Variants in SLX4IP observed in about 807,000 individuals in gnomAD.
SLX4IP encodes SLX4 interacting protein.
Under a neutral mutation model 32.9 loss-of-function variants are expected in SLX4IP, and 34 were observed. The observed-to-expected ratio is 1.03, with a 90% CI of 0.79 to 1.38. The LOEUF is 1.38. Ranked by LOEUF, SLX4IP falls within the 40% of genes most tolerant of loss-of-function variation. SLX4IP has a pLI of 0.00. For synonymous variants in SLX4IP, 172 were observed against 171.7 expected, an observed-to-expected ratio of 1.00 and a Z score of -0.01; for missense variants, 444 against 479.0, an observed-to-expected ratio of 0.93 and a Z score of 0.68.
chr20:10,510,870 C>T (rs2065801681), intron 2 of SLX4IP, among the ~76,000 whole-genome samples: 1 of 152,194 alleles, frequency 6.6e-6, no homozygotes, highest in Non-Finnish European at 1.5e-5. Context: ...TCCCAAAGTG[C>T]TGGGATTACA....
intron 4 of SLX4IP, among the ~76,000 whole-genome samples, chr20:10,570,344 G>A (rs2066447330): frequency 1.3e-5 from 2 of 152,214 alleles, no homozygotes; most frequent in South Asian, 4.1e-4. Context: ...CCACTCAGGA[G>A]TGGCCTTGGT....
intron 1 of SLX4IP, among the ~76,000 whole-genome samples, chr20:10,450,288 C>T (rs1409878007): frequency 2.0e-5 from 3 of 152,106 alleles, no homozygotes; most frequent in Non-Finnish European, 2.9e-5. Context: ...TTTAAGTACC[C>T]TCATTTAGGG....
chr20:10,500,707 C>T (rs2065710887), intron 2 of SLX4IP, among the ~76,000 whole-genome samples: 1 of 152,122 alleles, frequency 6.6e-6, no homozygotes, highest in African/African-American at 2.4e-5. Context: ...GCTATGACTG[C>T]ACCTCTGCAC....
In SLX4IP at chr20:10,545,760, A is replaced by C. The variant is rs542593324; in HGVS notation, c.28-10471A>C. Among the ~76,000 whole-genome samples the C allele has an allele frequency of 7.3e-4, 111 of 152,334 alleles. No homozygotes were observed. In the South Asian group the frequency reaches 7.5e-3, roughly 10 times the overall value. ...AAAGACACTTTGGTTCCACCCACAG[A>C]GGTAGGAAAATTATGCTACCTGTCT... On this transcript the variant is annotated intron_variant, in intron 2 of 7. Transcript: ENST00000334534.
intron 4 of SLX4IP, among the ~76,000 whole-genome samples, chr20:10,593,387 G>A (rs1248096478): frequency 6.6e-6 from 1 of 151,908 alleles, no homozygotes; most frequent in Non-Finnish European, 1.5e-5. Flanking sequence ...TAAATGGCTG[G>A]CATTTTAAAA....
chr20:10,518,490 TTTC>T (rs2065875762), intron 2 of SLX4IP, among the ~76,000 whole-genome samples: 3 of 65,834 alleles, frequency 4.6e-5, no homozygotes, highest in African/African-American at 1.4e-4. Flanking sequence ...TTCCTTTCCT[TTTC>T]CTTCCTTCCT....
At chr20:10,457,435 C>A in intron 1 of SLX4IP, among the ~76,000 whole-genome samples, 1 of 130,098 alleles carries the variant, frequency 7.7e-6, no homozygotes, top group African/African-American at 2.7e-5. Context: ...ATTAAAAAAG[C>A]ATTTTGGGTT....
chr20:10,546,571 C>T (rs1310070245), intron 2 of SLX4IP, among the ~76,000 whole-genome samples: 4 of 152,158 alleles, frequency 2.6e-5, no homozygotes, highest in Non-Finnish European at 5.9e-5. Flanking sequence ...AATATTTCTT[C>T]CTTGAGCCCT....
At chr20:10,585,310 C>G (rs1267696050) in intron 4 of SLX4IP, among the ~76,000 whole-genome samples, 3 of 152,208 alleles carry the variant, frequency 2.0e-5, no homozygotes, top group Non-Finnish European at 4.4e-5. Context: ...TCTTTCAACT[C>G]TCTTTTCCAA....
chr20:10,447,965 A>G (rs11700092), intron 1 of SLX4IP, among the ~76,000 whole-genome samples: 56,150 of 151,018 alleles, frequency 0.37, 12,235 homozygotes, highest in Non-Finnish European at 0.49. Context: ...TCAGCCTCCC[A>G]AAGTCCTGAG....
At chr20:10,482,581 G>C (rs1298194792) in intron 2 of SLX4IP, among the ~76,000 whole-genome samples, 1 of 152,122 alleles carries the variant, frequency 6.6e-6, no homozygotes, top group Non-Finnish European at 1.5e-5. Flanking sequence ...TCTCTTCTGA[G>C]GTTGTACTAG....
intron 6 of SLX4IP, among the ~76,000 whole-genome samples, chr20:10,605,352 T>C (rs976486044): frequency 6.6e-6 from 1 of 152,146 alleles, no homozygotes; most frequent in African/African-American, 2.4e-5. Context: ...CAAAGAAAAG[T>C]AAGAAAGTGT....
intron 2 of SLX4IP, among the ~76,000 whole-genome samples, chr20:10,486,086 A>G (rs1188816697): frequency 1.3e-5 from 2 of 152,126 alleles, no homozygotes; most frequent in Admixed American, 6.6e-5. Flanking sequence ...CATGTTGTTC[A>G]AGGGTTAACT....
At chr20:10,613,089 G>C (rs1287647763) in intron 6 of SLX4IP, 1 of 303,654 alleles carries the variant, frequency 3.3e-6, no homozygotes, top group Middle Eastern at 1.1e-3. Flanking sequence ...TAACAGACAC[G>C]CACATCGCAG....
At chr20:10,548,114 C>A (rs1430938353) in intron 2 of SLX4IP, among the ~76,000 whole-genome samples, 3 of 152,212 alleles carry the variant, frequency 2.0e-5, no homozygotes, top group Admixed American at 1.3e-4. Context: ...TATAGGGAAA[C>A]TGACAGTAGA....
At chr20:10,547,895 G>T (rs1230544972) in intron 2 of SLX4IP, among the ~76,000 whole-genome samples, 3 of 152,158 alleles carry the variant, frequency 2.0e-5, no homozygotes, top group Admixed American at 1.3e-4. Context: ...CTCCACAAAG[G>T]CCACCTGGTG....
chr20:10,545,444 T>TA (rs1337333485), intron 2 of SLX4IP, among the ~76,000 whole-genome samples: 1 of 152,178 alleles, frequency 6.6e-6, no homozygotes, highest in Non-Finnish European at 1.5e-5. Context: ...AGTAAATGTG[T>TA]AGCCCCCTTG....
chr20:10,473,368 C>T (rs573721359), intron 2 of SLX4IP, among the ~76,000 whole-genome samples: 28 of 152,256 alleles, frequency 1.8e-4, no homozygotes, highest in Non-Finnish European at 3.1e-4. Context: ...TTAGTATCTC[C>T]CACAGTCATT....
intron 4 of SLX4IP, among the ~76,000 whole-genome samples, chr20:10,578,911 A>C (rs1353168447): frequency 6.6e-6 from 1 of 152,056 alleles, no homozygotes. Context: ...CCCATTTTTA[A>C]TTGGGTTATT....
Sources: allele counts gnomAD v4.1 joint callset (sites outside exome capture counted in the v4.1 genomes callset), GRCh38; gene constraint gnomAD v4.1.1; transcripts MANE v1.5; gene names NCBI Gene and HGNC (gene_info 2026-07-23, HGNC 2026-07-21).